The following ATP8A1 variants were observed in gnomAD, a reference collection of about 807,000 sequenced individuals.
ATP8A1 encodes phospholipid-transporting ATPase IA.
ATP8A1 carries 90 observed loss-of-function variants against 177.7 expected under a neutral mutation model. That is an observed-to-expected ratio of 0.51 (90% CI 0.43 to 0.60). ATP8A1 has a LOEUF of 0.60. Among genes scored for constraint, ATP8A1 ranks in the 20% least tolerant of loss-of-function variants. ATP8A1 has a pLI of 0.00. For missense variants in ATP8A1, 1,072 were observed against 1,392.8 expected (o/e 0.77, Z 3.67); for synonymous variants, 493 against 485.9 (o/e 1.01, Z -0.19).
chr4:42,506,865 G>A (rs1009220045), intron 23 of ATP8A1, 151 bp downstream of exon 23: 1 of 894,946 alleles, frequency 1.1e-6, no homozygotes, highest in African/African-American at 1.7e-5. Flanking sequence ...TTATGGATGG[G>A]AGGCAGAGAT....
At chr4:42,535,116 G>A (rs1387705361) in intron 20 of ATP8A1, among the ~76,000 whole-genome samples, 1 of 151,858 alleles carries the variant, frequency 6.6e-6, no homozygotes, top group East Asian at 1.9e-4. Context: ...AAGGTATTCA[G>A]GCAACAAATA....
At chr4:42,481,895 G>C (rs558900668) in intron 25 of ATP8A1, among the ~76,000 whole-genome samples, 12 of 152,178 alleles carry the variant, frequency 7.9e-5, no homozygotes, top group Non-Finnish European at 1.8e-4. Flanking sequence ...AACCATAAAG[G>C]AGCAGTTTAT....
At chr4:42,567,190 C>T (rs1731438415) in intron 15 of ATP8A1, among the ~76,000 whole-genome samples, 1 of 152,146 alleles carries the variant, frequency 6.6e-6, no homozygotes, top group Admixed American at 6.5e-5. Flanking sequence ...TTCATTTTTG[C>T]AGGCCTATAG....
At chr4:42,553,448 C>T (rs1429587996) in intron 16 of ATP8A1, among the ~76,000 whole-genome samples, 1 of 152,048 alleles carries the variant, frequency 6.6e-6, no homozygotes, top group East Asian at 1.9e-4. Flanking sequence ...CTCCTATGTC[C>T]AGGGGACTCT....
chr4:42,624,632 T>C lies in ATP8A1; in HGVS notation c.267A>G (p.Gln89=), dbSNP rs1737844341. 1 of 1,354,844 alleles carries C rather than the reference T, an allele frequency of 7.4e-7. No homozygotes were observed. The highest frequency in any genetic ancestry group is 1.9e-5 in the South Asian group (1 of 52,654). The allele number at this position is 1,354,844 out of a possible 1,614,324, so 83.9% of individuals were successfully genotyped here. The change falls in exon 4 of 37, where the codon CAA becomes CAG. Residue 89 remains glutamine (Q), a splice_region_variant and synonymous_variant. Coordinates refer to ENST00000381668, the MANE Select transcript of ATP8A1 (RefSeq NM_006095.2). The part of the protein sequence containing the change: ...SFFLFIALLQ[Q]IPDVSPTGRY... ...GACCTGTTGGTGACACATCAGGTAT[T>C]TGCTGTTTGGAAAAAAAAAAAAAAG...
intron 15 of ATP8A1, among the ~76,000 whole-genome samples, chr4:42,560,489 C>T (rs538652647): frequency 1.3e-4 from 19 of 151,806 alleles, no homozygotes; most frequent in Non-Finnish European, 2.1e-4. Context: ...CATGCACACA[C>T]GAAAAAAGCA....
rs1208903692 is a variant in ATP8A1, at chr4:42,600,523, A to G, written c.410-5T>C. 6.2e-7 allele frequency: 1 copy of G among 1,609,010 alleles called. No homozygotes were observed. Among genetic ancestry groups the G allele is most frequent in the South Asian group, 1.1e-5 (1 of 89,750 alleles). On this transcript the variant is annotated splice_region_variant and splice_polypyrimidine_tract_variant and intron_variant, in intron 5 of 36. Coordinates refer to ENST00000381668, the MANE Select transcript of ATP8A1 (RefSeq NM_006095.2). ...CCCAAGCACCATTTCTCAAAACTGGAAAGAGAAAAGGTGACATTTTAAACA... is the reference window on the plus strand; with the variant it reads ...CCCAAGCACCATTTCTCAAAACTGGGAAGAGAAAAGGTGACATTTTAAACA...
rs148250836 is a variant in ATP8A1 at position 42,651,548 on chromosome 4, G to A, written c.49+5277C>T. 6.2e-4 allele frequency among the ~76,000 whole-genome samples: 95 copies of A among 152,236 alleles called. 1 individual carries two copies. The highest frequency in any genetic ancestry group is 2.1e-3 in the African/African-American group (86 of 41,526). On this transcript the variant is annotated intron_variant, in intron 1 of 36. Coordinates refer to ENST00000381668, the MANE Select transcript of ATP8A1 (RefSeq NM_006095.2). ...GCTCAATAACCATACACCCTTTTCCGTTTGTAACACAACACTGGGTAATGT... is the reference window on the plus strand; with the variant it reads ...GCTCAATAACCATACACCCTTTTCCATTTGTAACACAACACTGGGTAATGT...
intron 12 of ATP8A1, among the ~76,000 whole-genome samples, chr4:42,577,845 T>C (rs1409152922): frequency 6.6e-6 from 1 of 152,178 alleles, no homozygotes; most frequent in Non-Finnish European, 1.5e-5. Context: ...CTCTTTGCTA[T>C]GTCAAGAGAT....
intron 29 of ATP8A1, 47 bp downstream of exon 29, chr4:42,455,250 A>G: frequency 6.2e-7 from 1 of 1,606,732 alleles, no homozygotes. Flanking sequence ...TGAGGGCAGT[A>G]AACACAGACC....
At chr4:42,483,146 T>C (rs1721861452) in intron 25 of ATP8A1, among the ~76,000 whole-genome samples, 1 of 152,168 alleles carries the variant, frequency 6.6e-6, no homozygotes, top group African/African-American at 2.4e-5. Context: ...GAAATTATAT[T>C]CTGAGGTCAG....
At chr4:42,590,649 A>G (rs1208789282) in intron 7 of ATP8A1, among the ~76,000 whole-genome samples, 162 bp downstream of exon 7, 1 of 152,180 alleles carries the variant, frequency 6.6e-6, no homozygotes, top group East Asian at 1.9e-4. Context: ...AGTATTCAAA[A>G]ATCCCTTTAA....
intron 24 of ATP8A1, among the ~76,000 whole-genome samples, chr4:42,485,995 G>A (rs1280289901): frequency 6.6e-6 from 1 of 152,076 alleles, no homozygotes; most frequent in Non-Finnish European, 1.5e-5. Context: ...TTGTTCCCCG[G>A]TGCTGTAAAG....
intron 5 of ATP8A1, among the ~76,000 whole-genome samples, chr4:42,602,800 AAAT>A (rs753002668): frequency 3.2e-4 from 49 of 151,740 alleles, no homozygotes; most frequent in Non-Finnish European, 5.2e-4. Context: ...TAAAATAAAT[AAAT>A]AAATAAATAA....
chr4:42,588,310 A>G lies in ATP8A1; in HGVS notation c.544T>C (p.Tyr182His), dbSNP rs1733830804. 6.2e-7 allele frequency: 1 copy of G among 1,613,876 alleles called. No homozygotes were observed. The highest frequency in any genetic ancestry group is 8.5e-7 in the Non-Finnish European group (1 of 1,179,856). Residue 182 changes from tyrosine to histidine, a missense_variant, in exon 8 of 37, where the codon TAC (tyrosine) becomes CAC (histidine). Tyr to His is a moderately conservative substitution (Grantham distance 83). This residue lies in a region of ATP8A1 where 344 missense variants were observed against 393.5 expected (regional missense o/e 0.87). Transcript: ENST00000381668. ...LSSSEPQAMC[Y>H]IETSNLDGET... ...CCATCTAAGTTGGATGTTTCAATGT[A>G]GCACATGGCTTGGGGCTCACTGTAG...
intron 22 of ATP8A1, among the ~76,000 whole-genome samples, chr4:42,514,383 C>A (rs1260047185): frequency 6.6e-6 from 1 of 152,168 alleles, no homozygotes; most frequent in Non-Finnish European, 1.5e-5. Flanking sequence ...TAAGAAGGAA[C>A]CTATCCTACC....
At chr4:42,480,629 T>G (rs1429140080) in intron 25 of ATP8A1, among the ~76,000 whole-genome samples, 1 of 152,240 alleles carries the variant, frequency 6.6e-6, no homozygotes, top group Non-Finnish European at 1.5e-5. Flanking sequence ...TCTAAAGATT[T>G]AAGAAGTAGA....
At chr4:42,472,514 C>T (rs966717569) in intron 25 of ATP8A1, 49 of 249,160 alleles carry the variant, frequency 2.0e-4, no homozygotes, top group Middle Eastern at 1.6e-3. Flanking sequence ...TTTGGGAAGC[C>T]GAGGTGGGCG....
intron 15 of ATP8A1, chr4:42,561,906 G>A (rs1730874933): frequency 6.6e-6 from 1 of 152,202 alleles, no homozygotes; most frequent in Non-Finnish European, 1.5e-5. Context: ...GTATGGGCCA[G>A]GTGTTAGTTG....
Sources: gnomAD v4.1 joint callset for allele counts (sites outside exome capture counted in the v4.1 genomes callset) on GRCh38, gnomAD v4.1.1 for gene constraint, gnomAD v4.1.1 regional missense constraint, MANE v1.5 for transcripts, NCBI Gene and HGNC (gene_info 2026-07-23, HGNC 2026-07-21) for gene names.